SLC4A10: variants seen among roughly 807,000 people sequenced by gnomAD.
SLC4A10 encodes the protein solute carrier family 4 member 10.
A neutral mutation model predicts 137.7 loss-of-function variants in SLC4A10; 42 were observed. The ratio of observed to expected loss-of-function variants is 0.30; its 90% CI spans 0.24 to 0.39. SLC4A10 has a LOEUF of 0.39. Among genes scored for constraint, SLC4A10 ranks in the 10% least tolerant of loss-of-function variants. SLC4A10 has a pLI of 1.00. For synonymous variants in SLC4A10, 474 were observed against 464.1 expected (o/e 1.02, Z -0.27); for missense variants, 925 against 1,355.0 (o/e 0.68, Z 4.98).
intron 1 of SLC4A10, among the ~76,000 whole-genome samples, chr2:161,755,269 C>T (rs1235806903): frequency 6.6e-6 from 1 of 152,104 alleles, no homozygotes; most frequent in Non-Finnish European, 1.5e-5. Context: ...AGGAAAAAAG[C>T]TTATATTCAT....
intron 1 of SLC4A10, among the ~76,000 whole-genome samples, chr2:161,652,070 T>A (rs2036876519): frequency 6.6e-6 from 1 of 152,224 alleles, no homozygotes; most frequent in Non-Finnish European, 1.5e-5. Context: ...CACTGTAAAG[T>A]TACTATTCTA....
In SLC4A10 at chr2:161,950,713, T is replaced by C; in HGVS notation, c.2406T>C (p.Phe802=). 1 of 1,592,290 alleles carries C rather than the reference T, an allele frequency of 6.3e-7. No homozygotes were observed. The highest frequency in any genetic ancestry group is 1.1e-5 in the South Asian group (1 of 87,928). ...CCACTAGAGATGATCGTGGCTGGTT[T>C]GTTACGCCTTTAGGTCCAAACCCAT... ...FKPTRDDRGW[F]VTPLGPNPWW... The change falls in exon 19 of 27, where the codon TTT becomes TTC. Residue 802 remains phenylalanine (F), a synonymous_variant. Coordinates refer to ENST00000446997, the MANE Select transcript of SLC4A10 (RefSeq NM_001178015.2).
rs1700584699 is a variant in SLC4A10, at chr2:161,984,349, A to G, written c.*1197A>G. Reference sequence around the variant, plus strand: ...AACTTATATAAGGGGAGAGAAAGTTATGAAGTTTTGGACATTACTAAAAGT... The same window carrying G: ...AACTTATATAAGGGGAGAGAAAGTTGTGAAGTTTTGGACATTACTAAAAGT... On this transcript the variant is annotated 3_prime_UTR_variant, in exon 27 of 27. Coordinates refer to ENST00000446997, the MANE Select transcript of SLC4A10 (RefSeq NM_001178015.2). 6.6e-6 allele frequency: 1 copy of G among 152,216 alleles called. No individual in the cohort carries two copies. Among genetic ancestry groups the G allele is most frequent in the African/African-American group, 2.4e-5 (1 of 41,472 alleles). The allele number at this position is 152,216 out of a possible 1,614,324, so 9.4% of individuals were successfully genotyped here. A position where few individuals can be genotyped will look rare whatever the true frequency, so the allele number is the denominator to read the frequency against.
chr2:161,910,578 T>C (rs1244040338), intron 15 of SLC4A10, among the ~76,000 whole-genome samples: 1 of 152,126 alleles, frequency 6.6e-6, no homozygotes, highest in Non-Finnish European at 1.5e-5. Flanking sequence ...TATTTATTAA[T>C]GTTTTGTAAT....
chr2:161,770,104 G>C (rs1468923023), intron 1 of SLC4A10, among the ~76,000 whole-genome samples: 1 of 151,782 alleles, frequency 6.6e-6, no homozygotes, highest in Non-Finnish European at 1.5e-5. Context: ...TTCACCTTTA[G>C]TATATCTTTT....
intron 4 of SLC4A10, among the ~76,000 whole-genome samples, chr2:161,851,825 A>G (rs996428871): frequency 6.6e-6 from 1 of 152,176 alleles, no homozygotes; most frequent in African/African-American, 2.4e-5. Context: ...TTTTTTAGTA[A>G]TGTACGAAGA....
rs554457273 is a variant in SLC4A10, at chr2:161,944,847, GT to G, written c.2103+1951del. On this transcript the variant is annotated intron_variant, in intron 16 of 26. Transcript: ENST00000446997. ...ATTTTTTCCTCAATATATTCATAAT[GT>G]CATCAAAAATATTTTATTAATAAAG... Among the ~76,000 whole-genome samples the G allele has an allele frequency of 1.4e-3, 206 of 151,432 alleles. 2 individuals carry two copies. Among genetic ancestry groups the G allele is most frequent in the African/African-American group, 4.8e-3 (197 of 41,362 alleles).
intron 2 of SLC4A10, among the ~76,000 whole-genome samples, chr2:161,775,183 A>T (rs945896565): frequency 1.3e-5 from 2 of 151,932 alleles, no homozygotes; most frequent in African/African-American, 4.8e-5. Flanking sequence ...GGACTACTTC[A>T]AATTCACCCA....
At chr2:161,699,019 T>C (rs978418097) in intron 1 of SLC4A10, among the ~76,000 whole-genome samples, 1 of 152,082 alleles carries the variant, frequency 6.6e-6, no homozygotes, top group Non-Finnish European at 1.5e-5. Flanking sequence ...ATTTTTATTT[T>C]ATTATTATTA....
chr2:161,770,964 A>G lies in SLC4A10; in HGVS notation c.49-9A>G, dbSNP rs766353520. 6.3e-7 allele frequency: 1 copy of G among 1,594,200 alleles called. No individual in the cohort carries two copies. Among genetic ancestry groups the G allele is most frequent in the Non-Finnish European group, 8.6e-7 (1 of 1,166,494 alleles). The stretch of plus-strand genomic sequence containing the variant: ...TTATCATTTAATCTTCCTTATCCTC[A>G]TTTAACAGAGAAATGATGAAGAAGC... On this transcript the variant is annotated splice_polypyrimidine_tract_variant and intron_variant, in intron 1 of 26. Coordinates refer to ENST00000446997, the MANE Select transcript of SLC4A10 (RefSeq NM_001178015.2).
rs374529179 is a variant in SLC4A10 at position 161,785,374 on chromosome 2, A to G, written c.130+14320A>G. Among the ~76,000 whole-genome samples the G allele has an allele frequency of 5.4e-5, 8 of 149,514 alleles. No homozygotes were observed. In the South Asian group the frequency reaches 1.7e-3, roughly 31 times the overall value. On this transcript the variant is annotated intron_variant, in intron 2 of 26. Coordinates refer to ENST00000446997, the MANE Select transcript of SLC4A10 (RefSeq NM_001178015.2). Reference sequence around the variant, plus strand: ...GAAATACCTCCAAACTCATTGTATGATGCCAGCATTACCCTGATACCAAAG... The same window carrying G: ...GAAATACCTCCAAACTCATTGTATGGTGCCAGCATTACCCTGATACCAAAG...
intron 16 of SLC4A10, among the ~76,000 whole-genome samples, chr2:161,945,221 TATATATATATATA>T (rs1693562993): frequency 7.5e-6 from 1 of 132,872 alleles, no homozygotes; most frequent in South Asian, 2.3e-4. Context: ...TATATATATA[TATATATATATATA>T]TTTGTCAGTA....
chr2:161,832,730 GTTGTT>G (rs376475995), intron 3 of SLC4A10, among the ~76,000 whole-genome samples: 39 of 147,644 alleles, frequency 2.6e-4, no homozygotes, highest in Admixed American at 6.1e-4. Flanking sequence ...TTTTGTTGTT[GTTGTT>G]TTGTTTTGTT....
chr2:161,626,648 C>T (rs147219970), intron 1 of SLC4A10, among the ~76,000 whole-genome samples: 2 of 152,170 alleles, frequency 1.3e-5, no homozygotes, highest in African/African-American at 4.8e-5. Context: ...ATTTTCAAAA[C>T]AAACATGTTA....
chr2:161,740,338 G>C (rs2047756073), intron 1 of SLC4A10, among the ~76,000 whole-genome samples: 1 of 152,126 alleles, frequency 6.6e-6, no homozygotes, highest in African/African-American at 2.4e-5. Flanking sequence ...CTCCCTGCTT[G>C]TATCACTTCC....
At chr2:161,840,419 T>C (rs2059110306) in intron 4 of SLC4A10, among the ~76,000 whole-genome samples, 1 of 152,242 alleles carries the variant, frequency 6.6e-6, no homozygotes, top group African/African-American at 2.4e-5. Flanking sequence ...TAGTGGTTTT[T>C]AAAAATATCT....
chr2:161,652,073 C>T (rs769868636), intron 1 of SLC4A10, among the ~76,000 whole-genome samples: 11 of 152,206 alleles, frequency 7.2e-5, no homozygotes, highest in Non-Finnish European at 1.3e-4. Flanking sequence ...TGTAAAGTTA[C>T]TATTCTATCC....
intron 1 of SLC4A10, among the ~76,000 whole-genome samples, chr2:161,639,055 A>T (rs962651851): frequency 6.6e-6 from 1 of 152,124 alleles, no homozygotes; most frequent in South Asian, 2.1e-4. Flanking sequence ...TCCTAGAAAC[A>T]TACAACCTGC....
chr2:161,811,925 A>G (rs1437907353), intron 3 of SLC4A10, among the ~76,000 whole-genome samples: 1 of 151,998 alleles, frequency 6.6e-6, no homozygotes, highest in African/African-American at 2.4e-5. Flanking sequence ...AGTCTCCACC[A>G]TTTTAAGCAG....
Sources: allele counts gnomAD v4.1 joint callset (sites outside exome capture counted in the v4.1 genomes callset), GRCh38; gene constraint gnomAD v4.1.1; transcripts MANE v1.5; gene names NCBI Gene and HGNC (gene_info 2026-07-23, HGNC 2026-07-21).